KIAA1191: variants seen among roughly 807,000 people sequenced by gnomAD.
KIAA1191 encodes the protein putative monooxygenase p33MONOX.
In KIAA1191, 22 loss-of-function variants were observed where a neutral mutation model predicts 31.1. The ratio of observed to expected loss-of-function variants is 0.71; its 90% CI spans 0.51 to 1.01. The LOEUF (loss-of-function observed/expected upper bound fraction) is 1.01. KIAA1191 is among the 50% of genes least tolerant of loss of function. The probability of loss-of-function intolerance (pLI) is 0.00; values close to 1 mark genes in which losing one functional copy is unlikely to be tolerated. For synonymous variants in KIAA1191, 130 were observed against 143.9 expected (o/e 0.90, Z 0.69); for missense variants, 319 against 388.0 (o/e 0.82, Z 1.49).
At chr5:176,357,796 G>A (rs1016762453) in intron 3 of KIAA1191, among the ~76,000 whole-genome samples, 4 of 152,142 alleles carry the variant, frequency 2.6e-5, no homozygotes, top group African/African-American at 9.7e-5. Context: ...GGGAATACGG[G>A]AGACTTGGGG....
rs1767831994 is a variant in KIAA1191 at position 176,359,749 on chromosome 5, G to A, written c.-60+62C>T. 6.5e-6 allele frequency: 3 copies of A among 464,200 alleles called. No individual in the cohort carries two copies. In the East Asian group the frequency reaches 1.1e-4, roughly 17 times the overall value. The allele number at this position is 464,200 out of a possible 1,614,324, so 28.8% of individuals were successfully genotyped here. A position where few individuals can be genotyped will look rare whatever the true frequency, so the allele number is the denominator to read the frequency against. On this transcript the variant is annotated intron_variant, in intron 2 of 8. Transcript: ENST00000298569. Reference sequence around the variant, plus strand: ...CAAACGTCTCACCACACCTGTGGCTGATCTTAACACCTGTGAGATGACAGA... The same window carrying A: ...CAAACGTCTCACCACACCTGTGGCTAATCTTAACACCTGTGAGATGACAGA...
intron 3 of KIAA1191, chr5:176,356,053 A>G: frequency 3.1e-6 from 1 of 319,220 alleles, no homozygotes; most frequent in Non-Finnish European, 5.9e-6. Flanking sequence ...GGCTCACTGC[A>G]GGCTCAACCT....
rs574277276 is a variant in KIAA1191, at chr5:176,352,033, T to C, written c.334+589A>G. 1.4e-4 allele frequency among the ~76,000 whole-genome samples: 21 copies of C among 151,638 alleles called. No individual in the cohort carries two copies. The South Asian group carries it at 4.0e-3, about 29-fold the overall frequency. ...ATGAAGAAGTTTAGTTAGCTTGTTATAAGGTTAAAAAAAAATCCAAGTTCT... is the reference window on the plus strand; with the variant it reads ...ATGAAGAAGTTTAGTTAGCTTGTTACAAGGTTAAAAAAAAATCCAAGTTCT... On this transcript the variant is annotated intron_variant, in intron 5 of 8. Transcript: ENST00000298569.
Position 176,355,237 on chromosome 5 carries a change from GAAA to G in KIAA1191, c.207+331_207+333del, listed in dbSNP as rs1374824440. 7.0e-6 allele frequency among the ~76,000 whole-genome samples: 1 copy of G among 142,586 alleles called. No homozygotes were observed. Among genetic ancestry groups the G allele is most frequent in the African/African-American group, 2.6e-5 (1 of 38,758 alleles). The allele number at this position is 142,586 out of a possible 152,430, so 93.5% of individuals were successfully genotyped here. ...GGCCATTCTAGTTTTGAATTAAAAAGAAAAAAAAAAGGAGGGAGATTTAAAAAA... is the reference window on the plus strand; with the variant it reads ...GGCCATTCTAGTTTTGAATTAAAAAGAAAAAAAGGAGGGAGATTTAAAAAA... On this transcript the variant is annotated intron_variant, in intron 4 of 8. Transcript: ENST00000298569. This position sits in a 1 kb window ranked among gnomAD's most constrained non-coding sequence, Gnocchi z 4.2.
At chr5:176,357,385 G>A (rs1056307039) in intron 3 of KIAA1191, 7 of 151,970 alleles carry the variant, frequency 4.6e-5, no homozygotes, top group East Asian at 1.9e-4. Flanking sequence ...TAAAAATCAC[G>A]ACATTGTTCA....
At chr5:176,360,976 T>C (rs967130641) in intron 1 of KIAA1191, among the ~76,000 whole-genome samples, 1 of 143,970 alleles carries the variant, frequency 6.9e-6, no homozygotes, top group Non-Finnish European at 1.5e-5. Flanking sequence ...CTGAGAAAGT[T>C]ACTCTTGTTT....
intron 6 of KIAA1191, 108 bp from the exon 7 acceptor site, chr5:176,348,464 C>CATCT: frequency 1.4e-6 from 1 of 715,668 alleles, no homozygotes; most frequent in Non-Finnish European, 2.4e-6. Flanking sequence ...AGGCAGAAGA[C>CATCT]ATCTACAGGT....
chr5:176,358,131 G>A (rs1039135103), intron 3 of KIAA1191, among the ~76,000 whole-genome samples: 3 of 152,044 alleles, frequency 2.0e-5, no homozygotes, highest in South Asian at 4.1e-4. Flanking sequence ...CAATAACCCA[G>A]AACTTGACTC....
chr5:176,357,712 G>A (rs1034613760), intron 3 of KIAA1191, among the ~76,000 whole-genome samples: 2 of 152,098 alleles, frequency 1.3e-5, no homozygotes, highest in African/African-American at 2.4e-5. Context: ...CGGAGTTTGT[G>A]GTAATCACAG....
chr5:176,349,152 A>G (rs3749804), intron 6 of KIAA1191: 80,892 of 152,064 alleles, frequency 0.53, 21,703 homozygotes, highest in Non-Finnish European at 0.58. Flanking sequence ...GGCAAGACAC[A>G]GAAAGTGGGT....
intron 3 of KIAA1191, among the ~76,000 whole-genome samples, chr5:176,358,581 T>A (rs1043362180): frequency 3.2e-4 from 49 of 152,116 alleles, no homozygotes; most frequent in Non-Finnish European, 4.4e-5. Context: ...CCGGGCGTGG[T>A]GGCAGGCAGC....
intron 6 of KIAA1191, chr5:176,349,139 A>G (rs1766775133): frequency 6.6e-6 from 1 of 152,256 alleles, no homozygotes; most frequent in African/African-American, 2.4e-5. Context: ...TTCTACTCCT[A>G]TGGGCAAGAC....
rs1330881173 is a variant in KIAA1191, at chr5:176,347,276, G to A, written c.*324C>T. The A allele has an allele frequency of 1.8e-5, 3 of 170,722 alleles. No homozygotes were observed. Among genetic ancestry groups the A allele is most frequent in the Admixed American group, 6.3e-5 (1 of 15,838 alleles). 10.6% of individuals were successfully genotyped at this position (170,722 alleles called of 1,614,324 possible). On this transcript the variant is annotated 3_prime_UTR_variant, in exon 9 of 9. Transcript: ENST00000298569. ...GAGTGTAATGGCATGATCTCAGCTC[G>A]GTACAACATCTGCTTCCTGGGTTCA...
rs565935658 is a variant in KIAA1191, at chr5:176,352,833, A to G, written c.208-85T>C. The G allele has an allele frequency of 6.7e-4, 927 of 1,380,318 alleles. 22 individuals are homozygous for G. The South Asian group carries it at 0.013, about 19-fold the overall frequency. 85.5% of individuals were successfully genotyped at this position (1,380,318 alleles called of 1,614,324 possible). On this transcript the variant is annotated intron_variant, in intron 4 of 8. Transcript: ENST00000298569. ...AACTTACTCCTTTGGGGAGGAAGTT[A>G]CTGAAATAACATTAATCTGGTAAGT... is the stretch of plus-strand genomic sequence containing the variant.
chr5:176,360,781 A>T (rs1767931226), intron 1 of KIAA1191, among the ~76,000 whole-genome samples: 1 of 152,088 alleles, frequency 6.6e-6, no homozygotes, highest in African/African-American at 2.4e-5. Context: ...AGCCTGGGCG[A>T]CGGAGTGAGA....
At chr5:176,360,440 G>C (rs1417528473) in intron 1 of KIAA1191, among the ~76,000 whole-genome samples, 1 of 151,086 alleles carries the variant, frequency 6.6e-6, no homozygotes, top group Non-Finnish European at 1.5e-5. Context: ...ACAAGCGTGA[G>C]CCACCGCGCC....
In KIAA1191 at chr5:176,347,659, G is replaced by T; in HGVS notation, c.859C>A (p.Pro287Thr). ...CGGGGTTTGAGGTTATGGGCCCGTG[G>T]TGGCTGTTTCTTTCCTTCCATCACT... ...IPVMEGKKQPPRAHNLKPRDL... is the reference protein window; with the variant it reads ...IPVMEGKKQPTRAHNLKPRDL... The change falls in exon 9 of 9, where the codon CCA (proline) becomes ACA (threonine). Residue 287 changes from proline (P) to threonine (T), a missense_variant. Pro to Thr is a conservative substitution (Grantham distance 38, BLOSUM62 -1). Transcript: ENST00000298569. 1 of 1,570,964 alleles carries T rather than the reference G, an allele frequency of 6.4e-7. No individual in the cohort carries two copies. Among genetic ancestry groups the T allele is most frequent in the Non-Finnish European group, 8.6e-7 (1 of 1,161,696 alleles).
Position 176,350,629 on chromosome 5 carries a change from A to C in KIAA1191, c.443T>G (p.Val148Gly), listed in dbSNP as rs1348272485. The C allele has an allele frequency of 6.8e-6, 11 of 1,613,282 alleles. No individual in the cohort carries two copies. Among genetic ancestry groups the C allele is most frequent in the Non-Finnish European group, 9.3e-6 (11 of 1,179,766 alleles). Residue 148 changes from valine to glycine, a missense_variant, in exon 6 of 9, where the codon GTG (valine) becomes GGG (glycine). Coordinates refer to ENST00000298569, the MANE Select transcript of KIAA1191 (RefSeq NM_020444.5). The part of the protein sequence containing the change: ...LTTEETKYLR[V>G]AEALHKLKLQ... ...AGAGCTTACGTGGAGTGCTTCGGCC[A>C]CTCGAAGGTACTTGGTCTCCTCGGT...
Position 176,361,663 on chromosome 5 carries a change from G to C in KIAA1191, c.-229C>G, listed in dbSNP as rs902756530. 1 of 152,464 alleles carries C rather than the reference G, an allele frequency of 6.6e-6. No individual in the cohort carries two copies. The highest frequency in any genetic ancestry group is 2.4e-5 in the African/African-American group (1 of 41,468). The allele number at this position is 152,464 out of a possible 1,614,324, so 9.4% of individuals were successfully genotyped here. ...GAGTCCGGCACTAAAAAGGTTCCGA[G>C]GGCCCACGTCTCCCGAGAGGCTGTG... On this transcript the variant is annotated 5_prime_UTR_variant, in exon 1 of 9. Transcript: ENST00000298569. This position sits in a 1 kb window ranked among gnomAD's most constrained non-coding sequence, Gnocchi z 4.0.
Sources: allele counts gnomAD v4.1 joint callset (sites outside exome capture counted in the v4.1 genomes callset), GRCh38; gene constraint gnomAD v4.1.1; non-coding constraint Gnocchi (gnomAD v3.1); transcripts MANE v1.5; gene names NCBI Gene and HGNC (gene_info 2026-07-23, HGNC 2026-07-21).